The following FAM135B variants were observed in gnomAD, a reference collection of about 807,000 sequenced individuals.
FAM135B encodes protein FAM135B.
In FAM135B, 43 loss-of-function variants were observed where a neutral mutation model predicts 127.7. The observed-to-expected ratio is 0.34, with a 90% CI of 0.26 to 0.43. FAM135B has a LOEUF of 0.43. Among genes scored for constraint, FAM135B ranks in the 20% least tolerant of loss-of-function variants. FAM135B has a pLI of 1.00. For missense variants in FAM135B, 1,558 were observed against 1,725.6 expected (o/e 0.90, Z 1.72); for synonymous variants, 670 against 665.1 (o/e 1.01, Z -0.11).
At chr8:138,163,576 T>TA (rs775296354) in intron 12 of FAM135B, among the ~76,000 whole-genome samples, 30 of 152,256 alleles carry the variant, frequency 2.0e-4, no homozygotes, top group Admixed American at 2.6e-4. Context: ...GATGGTTTTA[T>TA]AAAGGGAAAA....
intron 1 of FAM135B, among the ~76,000 whole-genome samples, chr8:138,422,089 TC>T (rs1834544432): frequency 6.6e-6 from 1 of 151,864 alleles, no homozygotes; most frequent in Non-Finnish European, 1.5e-5. Context: ...AAAACTGGAC[TC>T]CCCCTTTCAC....
chr8:138,292,686 T>C (rs1440301672), intron 3 of FAM135B, among the ~76,000 whole-genome samples: 1 of 152,054 alleles, frequency 6.6e-6, no homozygotes, highest in Non-Finnish European at 1.5e-5. Context: ...AATGGGGTGG[T>C]AATTATTTTA....
At chr8:138,308,624 A>G (rs1826437547) in intron 3 of FAM135B, among the ~76,000 whole-genome samples, 1 of 62,496 alleles carries the variant, frequency 1.6e-5, no homozygotes, top group South Asian at 9.0e-4. Flanking sequence ...ACTAGAAAAG[A>G]AAATAGTTTT....
intron 2 of FAM135B, among the ~76,000 whole-genome samples, chr8:138,337,264 T>C (rs112353089): frequency 3.2e-4 from 48 of 149,164 alleles, no homozygotes; most frequent in African/African-American, 1.0e-3. Context: ...CCAGGGCAAT[T>C]AGGCAGGAGA....
intron 16 of FAM135B, among the ~76,000 whole-genome samples, chr8:138,142,693 T>A (rs1817307265): frequency 1.3e-5 from 2 of 152,234 alleles, no homozygotes; most frequent in South Asian, 2.1e-4. Flanking sequence ...AGGTTATATA[T>A]CTGGTACATG....
At chr8:138,356,482 G>A (rs1305538916) in intron 2 of FAM135B, among the ~76,000 whole-genome samples, 1 of 152,088 alleles carries the variant, frequency 6.6e-6, no homozygotes, top group Admixed American at 6.6e-5. Context: ...ATTACATGAG[G>A]TTATTTGTAA....
chr8:138,347,251 G>A (rs1459020532), intron 2 of FAM135B, among the ~76,000 whole-genome samples: 4 of 152,164 alleles, frequency 2.6e-5, no homozygotes, highest in African/African-American at 9.7e-5. Flanking sequence ...TAAGTCATGG[G>A]TCTCGATGCT....
At chr8:138,165,661 T>C (rs1819844798) in intron 12 of FAM135B, among the ~76,000 whole-genome samples, 2 of 152,336 alleles carry the variant, frequency 1.3e-5, no homozygotes, top group South Asian at 4.1e-4. Flanking sequence ...CTAATGAAGA[T>C]GCACTTACAT....
At chr8:138,489,375 A>G (rs976824332) in intron 1 of FAM135B, among the ~76,000 whole-genome samples, 3 of 152,008 alleles carry the variant, frequency 2.0e-5, no homozygotes, top group African/African-American at 7.2e-5. Flanking sequence ...CTGACTGAAT[A>G]TTTCTCAAGT....
chr8:138,284,164 T>A (rs146432851), intron 3 of FAM135B, among the ~76,000 whole-genome samples: 14 of 152,322 alleles, frequency 9.2e-5, no homozygotes, highest in African/African-American at 3.1e-4. Flanking sequence ...CCCTATAATC[T>A]AACCTCTTGC....
At chr8:138,181,665 T>C (rs761479446) in intron 9 of FAM135B, among the ~76,000 whole-genome samples, 4 of 151,632 alleles carry the variant, frequency 2.6e-5, no homozygotes, top group East Asian at 3.9e-4. Context: ...CAGGTAACCA[T>C]TTCAGAAGCC....
chr8:138,404,208 G>A (rs1448480014), intron 1 of FAM135B, among the ~76,000 whole-genome samples: 1 of 151,878 alleles, frequency 6.6e-6, no homozygotes, highest in Non-Finnish European at 1.5e-5. Flanking sequence ...TGGTTTCTCA[G>A]TGCATATAAA....
chr8:138,355,000 T>A (rs1052521098), intron 2 of FAM135B, among the ~76,000 whole-genome samples: 1 of 152,096 alleles, frequency 6.6e-6, no homozygotes, highest in East Asian at 1.9e-4. Flanking sequence ...CCTAATGCTA[T>A]CCCTCCCCCT....
intron 7 of FAM135B, among the ~76,000 whole-genome samples, chr8:138,233,472 G>T (rs1820047894): frequency 1.3e-5 from 2 of 152,088 alleles, no homozygotes; most frequent in South Asian, 4.1e-4. Flanking sequence ...ACACATAAAA[G>T]AATGACATTG....
chr8:138,249,394 A>G (rs1335553426), intron 6 of FAM135B, among the ~76,000 whole-genome samples: 3 of 152,150 alleles, frequency 2.0e-5, no homozygotes, highest in African/African-American at 4.8e-5. Context: ...TTATAATTTC[A>G]TATATGCGAA....
chr8:138,283,576 A>T (rs1824441439), intron 3 of FAM135B, among the ~76,000 whole-genome samples: 1 of 152,172 alleles, frequency 6.6e-6, no homozygotes, highest in South Asian at 2.1e-4. Flanking sequence ...AGAATGTACA[A>T]CACCAAGAAT....
intron 3 of FAM135B, among the ~76,000 whole-genome samples, chr8:138,296,073 G>C (rs1430368751): frequency 6.6e-6 from 1 of 152,180 alleles, no homozygotes; most frequent in South Asian, 2.1e-4. Flanking sequence ...ATGCTTTTTA[G>C]TCTATATCAA....
At chr8:138,392,733 G>A (rs906836177) in intron 1 of FAM135B, among the ~76,000 whole-genome samples, 1 of 152,124 alleles carries the variant, frequency 6.6e-6, no homozygotes, top group Non-Finnish European at 1.5e-5. Context: ...TGTGCCGGGG[G>A]CATGGAATTA....
In FAM135B at chr8:138,164,033, TCC is replaced by T. The variant is rs553922724; in HGVS notation, c.1258+3860_1258+3861del. ...AACATAGAAATGGAAATCTTTTATT[TCC>T]CTTTTTTCCTTACACTAGAAGAATG... On this transcript the variant is annotated intron_variant, in intron 12 of 19. Transcript: ENST00000395297. Among the ~76,000 whole-genome samples, 465 of 152,316 alleles carry T rather than the reference TCC, an allele frequency of 3.1e-3. 1 individual carries two copies. The highest frequency in any genetic ancestry group is 5.6e-3 in the Non-Finnish European group (380 of 68,036).
Sources: gnomAD v4.1 joint callset for allele counts (sites outside exome capture counted in the v4.1 genomes callset) on GRCh38, gnomAD v4.1.1 for gene constraint, MANE v1.5 for transcripts, NCBI Gene and HGNC (gene_info 2026-07-23, HGNC 2026-07-21) for gene names.